Variants in AGMO observed in about 807,000 individuals in gnomAD.
The protein encoded by AGMO is glyceryl-ether monooxygenase.
A neutral mutation model predicts 60.2 loss-of-function variants in AGMO; 75 were observed. That is an observed-to-expected ratio of 1.25 (90% CI 1.03 to 1.51). The LOEUF is 1.51. AGMO is among the 40% of genes most tolerant of loss of function. The pLI is 0.00. For missense variants in AGMO, 763 were observed against 525.5 expected (o/e 1.45, Z -4.42); for synonymous variants, 261 against 177.1 (o/e 1.47, Z -3.76).
chr7:15,272,870 A>C (rs563315967), intron 12 of AGMO, among the ~76,000 whole-genome samples: 15 of 152,126 alleles, frequency 9.9e-5, no homozygotes, highest in African/African-American at 3.4e-4. Context: ...TTTGATTTGC[A>C]TTTCTCTGAT....
intron 10 of AGMO, among the ~76,000 whole-genome samples, chr7:15,368,016 C>T (rs1369010041): frequency 1.3e-5 from 2 of 152,028 alleles, no homozygotes; most frequent in African/African-American, 2.4e-5. Context: ...CCATCTCTCA[C>T]GGCCAACTTC....
At chr7:15,335,453 T>C (rs1781628275) in intron 12 of AGMO, among the ~76,000 whole-genome samples, 1 of 152,182 alleles carries the variant, frequency 6.6e-6, no homozygotes, top group Admixed American at 6.5e-5. Context: ...ATAATTACTT[T>C]TTTAGAAAGG....
chr7:15,561,533 G>T (rs985445564), intron 1 of AGMO, among the ~76,000 whole-genome samples, 187 bp downstream of exon 1: 1 of 152,144 alleles, frequency 6.6e-6, no homozygotes, highest in Non-Finnish European at 1.5e-5. Context: ...GGTGAAGATG[G>T]CTATGGATTG....
At chr7:15,459,583 A>ATGTGTATGTGTG (rs1782083541) in intron 3 of AGMO, among the ~76,000 whole-genome samples, 1 of 21,850 alleles carries the variant, frequency 4.6e-5, no homozygotes, top group Non-Finnish European at 1.4e-4. Context: ...TGATCTTTAA[A>ATGTGTATGTGTG]TGTGTGTATG....
chr7:15,467,740 G>A (rs1161621543), intron 3 of AGMO, among the ~76,000 whole-genome samples: 1 of 152,046 alleles, frequency 6.6e-6, no homozygotes, highest in East Asian at 1.9e-4. Flanking sequence ...TATGGGATTT[G>A]TTAAATAAAT....
chr7:15,514,684 T>C (rs1396931319), intron 3 of AGMO, among the ~76,000 whole-genome samples: 1 of 152,234 alleles, frequency 6.6e-6, no homozygotes, highest in Non-Finnish European at 1.5e-5. Context: ...GTCATATGCA[T>C]AACTACTTAA....
Position 15,390,640 on chromosome 7 carries a change from A to G in AGMO, c.822+31T>C, listed in dbSNP as rs777283022. 5.5e-6 allele frequency: 8 copies of G among 1,456,498 alleles called. No homozygotes were observed. In the Admixed American group the frequency reaches 1.3e-4, roughly 24 times the overall value. The allele number at this position is 1,456,498 out of a possible 1,614,324, so 90.2% of individuals were successfully genotyped here. On this transcript the variant is annotated intron_variant, in intron 8 of 12. Coordinates refer to ENST00000342526, the MANE Select transcript of AGMO (RefSeq NM_001004320.2). ...CTATAAGATTTATGAAATGATATAAATGAAGAAAGAATAAAAAACAAGTAT... is the reference window on the plus strand; with the variant it reads ...CTATAAGATTTATGAAATGATATAAGTGAAGAAAGAATAAAAAACAAGTAT...
At chr7:15,418,140 TTTCTA>T (rs1414649924) in intron 5 of AGMO, among the ~76,000 whole-genome samples, 2 of 152,108 alleles carry the variant, frequency 1.3e-5, no homozygotes, top group Non-Finnish European at 2.9e-5. Flanking sequence ...ATTTTCATAA[TTTCTA>T]TACAATTTTT....
At chr7:15,377,230 G>A (rs935935413) in intron 10 of AGMO, among the ~76,000 whole-genome samples, 3 of 152,056 alleles carry the variant, frequency 2.0e-5, no homozygotes, top group Non-Finnish European at 2.9e-5. Flanking sequence ...CATGTTCTCA[G>A]CAAAGAAAAA....
chr7:15,354,218 A>G (rs113259811), intron 12 of AGMO, among the ~76,000 whole-genome samples: 65 of 150,024 alleles, frequency 4.3e-4, no homozygotes, highest in African/African-American at 1.6e-3. Context: ...AACTCAGTCC[A>G]TCAGTTATTT....
At chr7:15,548,291 C>G (rs532313870) in intron 2 of AGMO, among the ~76,000 whole-genome samples, 1,680 of 152,016 alleles carry the variant, frequency 0.011, 18 homozygotes, top group African/African-American at 0.039. Context: ...AGTTCCTCAC[C>G]AGCAACGGAA....
chr7:15,307,648 T>G (rs553546865), intron 12 of AGMO, among the ~76,000 whole-genome samples: 1 of 152,032 alleles, frequency 6.6e-6, no homozygotes, highest in Non-Finnish European at 1.5e-5. Flanking sequence ...TAGTTTCAAT[T>G]ACTATCTTCA....
chr7:15,176,153 A>G, the AGMO span, among the ~76,000 whole-genome samples: 1 of 152,040 alleles, frequency 6.6e-6, no homozygotes, highest in African/African-American at 2.4e-5. Flanking sequence ...TACTTAATTT[A>G]TCAAAAGCAA....
At chr7:15,284,803 G>T (rs561032008) in intron 12 of AGMO, among the ~76,000 whole-genome samples, 1 of 151,918 alleles carries the variant, frequency 6.6e-6, no homozygotes. Context: ...CAATATCCCT[G>T]ATAAATACAG....
chr7:15,209,528 G>C (rs1218604894), intron 12 of AGMO, among the ~76,000 whole-genome samples: 1 of 152,178 alleles, frequency 6.6e-6, no homozygotes, highest in Non-Finnish European at 1.5e-5. Flanking sequence ...TCAAAGGGAT[G>C]ATTAGAGCCC....
In AGMO at chr7:15,355,311, G is replaced by C. The variant is rs1270610146; in HGVS notation, c.1263+10203C>G. 2.6e-5 allele frequency among the ~76,000 whole-genome samples: 4 copies of C among 151,890 alleles called. No homozygotes were observed. In the East Asian group the frequency reaches 7.8e-4, roughly 29 times the overall value. ...AGGTCAGGAGATCGAGACCATCCTG[G>C]CTAACACGGTGAAACGCTGTCTCTA... On this transcript the variant is annotated intron_variant, in intron 12 of 12. Coordinates refer to ENST00000342526, the MANE Select transcript of AGMO (RefSeq NM_001004320.2).
chr7:15,242,461 G>C (rs1782619709), intron 12 of AGMO, among the ~76,000 whole-genome samples: 2 of 152,140 alleles, frequency 1.3e-5, no homozygotes, highest in Admixed American at 6.5e-5. Flanking sequence ...TTGGTAAATG[G>C]TAATGTCAAT....
At chr7:15,354,446 GT>G (rs1782417297) in intron 12 of AGMO, among the ~76,000 whole-genome samples, 1 of 19,606 alleles carries the variant, frequency 5.1e-5, no homozygotes, top group African/African-American at 2.7e-4. Context: ...GTATACACAC[GT>G]GTGTGTATAC....
intron 12 of AGMO, among the ~76,000 whole-genome samples, chr7:15,213,105 A>G (rs1781641801): frequency 6.6e-6 from 1 of 152,000 alleles, no homozygotes; most frequent in Non-Finnish European, 1.5e-5. Flanking sequence ...ACACATAAAA[A>G]TAGATCTTTT....
Sources: gnomAD v4.1 joint callset for allele counts (sites outside exome capture counted in the v4.1 genomes callset) on GRCh38, gnomAD v4.1.1 for gene constraint, MANE v1.5 for transcripts, NCBI Gene and HGNC (gene_info 2026-07-23, HGNC 2026-07-21) for gene names.